FOCAD: variants seen among roughly 807,000 people sequenced by gnomAD.
The protein encoded by FOCAD is focadhesin.
Under a neutral mutation model 225.6 loss-of-function variants are expected in FOCAD, and 198 were observed. That is an observed-to-expected ratio of 0.88 (90% CI 0.78 to 0.99). The LOEUF is 0.99. FOCAD is among the 50% of genes least tolerant of loss of function. The pLI, the probability that FOCAD is intolerant of heterozygous loss-of-function variation, is 0.00. For missense variants in FOCAD, 2,713 were observed against 2,123.6 expected (o/e 1.28, Z -5.46); for synonymous variants, 897 against 755.0 (o/e 1.19, Z -3.08).
At chr9:20,732,449 A>T (rs1391850447) in intron 4 of FOCAD, among the ~76,000 whole-genome samples, 1 of 152,220 alleles carries the variant, frequency 6.6e-6, no homozygotes, top group Admixed American at 6.5e-5. Context: ...TTGGCTGTTA[A>T]GATGGCCTGA....
intron 15 of FOCAD, among the ~76,000 whole-genome samples, chr9:20,845,095 A>C (rs7033314): frequency 0.073 from 11,076 of 152,124 alleles, 784 homozygotes; most frequent in African/African-American, 0.18. Context: ...TTTATGAGAC[A>C]TTTTGAGTTG....
chr9:20,990,745 ATAAG>A (rs1158011175), intron 42 of FOCAD, among the ~76,000 whole-genome samples: 1 of 152,206 alleles, frequency 6.6e-6, no homozygotes, highest in Admixed American at 6.5e-5. Context: ...AAATCGTGTG[ATAAG>A]TAAGATACAG....
At chr9:20,861,127 A>T (rs1293227028) in intron 15 of FOCAD, among the ~76,000 whole-genome samples, 2 of 152,306 alleles carry the variant, frequency 1.3e-5, no homozygotes, top group Non-Finnish European at 1.5e-5. Context: ...ATTATCCTCC[A>T]TAGATTCCTC....
chr9:20,799,706 C>A (rs1186646405), intron 11 of FOCAD, among the ~76,000 whole-genome samples: 1 of 152,062 alleles, frequency 6.6e-6, no homozygotes, highest in Admixed American at 6.5e-5. Context: ...CTTGGTAGAT[C>A]TTCCTCCATC....
At chr9:20,890,483 A>G (rs550806672) in intron 21 of FOCAD, among the ~76,000 whole-genome samples, 1 of 150,914 alleles carries the variant, frequency 6.6e-6, no homozygotes, top group South Asian at 2.1e-4. Flanking sequence ...ACTTATTTTG[A>G]TTGATTTTCT....
At chr9:20,956,261 G>T (rs1007850729) in intron 35 of FOCAD, among the ~76,000 whole-genome samples, 1 of 152,182 alleles carries the variant, frequency 6.6e-6, no homozygotes, top group African/African-American at 2.4e-5. Flanking sequence ...ATACGAGAAA[G>T]CTGTCCTGTT....
intron 10 of FOCAD, 24 bp downstream of exon 10, chr9:20,781,953 C>G: frequency 1.2e-6 from 2 of 1,602,652 alleles, no homozygotes; most frequent in Non-Finnish European, 1.7e-6. Flanking sequence ...CCTTGTTTCT[C>G]TTAAATAAAG....
In FOCAD at chr9:20,952,943, G is replaced by T. The variant is rs772642956; in HGVS notation, c.4052-42G>T. On this transcript the variant is annotated intron_variant, in intron 34 of 43. Transcript: ENST00000338382. ...TCATTATCTTTCCTTCATTAGTCCTGCCAAGTTCACTGGTTAATTTGATCA... is the reference window on the plus strand; with the variant it reads ...TCATTATCTTTCCTTCATTAGTCCTTCCAAGTTCACTGGTTAATTTGATCA... 5.7e-5 allele frequency: 86 copies of T among 1,507,764 alleles called. 2 individuals carry two copies. In the South Asian group the frequency reaches 8.5e-4, roughly 15 times the overall value. 93.4% of individuals were successfully genotyped at this position (1,507,764 alleles called of 1,614,324 possible).
intron 26 of FOCAD, among the ~76,000 whole-genome samples, chr9:20,927,422 T>A (rs1835060084): frequency 1.3e-5 from 2 of 152,158 alleles, no homozygotes; most frequent in African/African-American, 4.8e-5. Context: ...AAATTAATGC[T>A]TTGCCAACTT....
intron 4 of FOCAD, among the ~76,000 whole-genome samples, chr9:20,725,668 T>G (rs189731036): frequency 6.6e-6 from 1 of 152,282 alleles, no homozygotes; most frequent in Non-Finnish European, 1.5e-5. Context: ...GAAGCCCGCC[T>G]CCCACCTGAA....
At chr9:20,810,932 A>G (rs559378672) in intron 11 of FOCAD, among the ~76,000 whole-genome samples, 1 of 152,198 alleles carries the variant, frequency 6.6e-6, no homozygotes, top group South Asian at 2.1e-4. Context: ...TAGGAAATTT[A>G]TACCTCAGAT....
At chr9:20,671,981 G>GTT (rs79845693) in intron 2 of FOCAD, among the ~76,000 whole-genome samples, 19 of 142,040 alleles carry the variant, frequency 1.3e-4, no homozygotes, top group Non-Finnish European at 1.5e-4. Context: ...AACCGTTGTA[G>GTT]TTTTTTTTTT....
At chr9:20,960,689 C>T (rs7021127) in intron 35 of FOCAD, among the ~76,000 whole-genome samples, 1 of 151,664 alleles carries the variant, frequency 6.6e-6, no homozygotes, top group Admixed American at 6.6e-5. Flanking sequence ...CACCCATTAA[C>T]TCGTCATTTA....
At chr9:20,789,211 G>A in intron 10 of FOCAD, 140 bp from the exon 11 acceptor site, 4 of 911,558 alleles carry the variant, frequency 4.4e-6, no homozygotes, top group Non-Finnish European at 6.6e-6. Flanking sequence ...GTGCAGAGAG[G>A]ATTTTGGCAG....
chr9:20,819,974 T>A, intron 12 of FOCAD, 74 bp downstream of exon 12: 1 of 967,036 alleles, frequency 1.0e-6, no homozygotes, highest in East Asian at 2.8e-5. Flanking sequence ...TTTGGTATTA[T>A]GAAATTTTAA....
intron 10 of FOCAD, among the ~76,000 whole-genome samples, chr9:20,787,985 C>T (rs573868937): frequency 6.6e-6 from 1 of 152,126 alleles, no homozygotes; most frequent in Non-Finnish European, 1.5e-5. Flanking sequence ...CTCAAGAAAA[C>T]TGAACACTTA....
At chr9:20,802,789 T>G (rs1821989578) in intron 11 of FOCAD, among the ~76,000 whole-genome samples, 1 of 152,052 alleles carries the variant, frequency 6.6e-6, no homozygotes. Context: ...CATAAGCAGG[T>G]GTTGAAGCTA....
At chr9:20,939,892 T>C (rs901885714) in intron 28 of FOCAD, among the ~76,000 whole-genome samples, 24 of 128,840 alleles carry the variant, frequency 1.9e-4, no homozygotes, top group Non-Finnish European at 3.6e-4. Context: ...CCTAATGCTA[T>C]CCCTCCCCCC....
intron 18 of FOCAD, among the ~76,000 whole-genome samples, chr9:20,869,166 A>T (rs1336695908): frequency 6.6e-6 from 1 of 152,150 alleles, no homozygotes; most frequent in Non-Finnish European, 1.5e-5. Flanking sequence ...TGTAATGTAA[A>T]AACTAAGATT....
Sources: gnomAD v4.1 joint callset for allele counts (sites outside exome capture counted in the v4.1 genomes callset) on GRCh38, gnomAD v4.1.1 for gene constraint, MANE v1.5 for transcripts, NCBI Gene and HGNC (gene_info 2026-07-23, HGNC 2026-07-21) for gene names.